Variants in RALYL observed in about 807,000 individuals in gnomAD.
The protein encoded by RALYL is RALY RNA binding protein like.
In RALYL, 29 loss-of-function variants were observed where a neutral mutation model predicts 35.1. The ratio of observed to expected loss-of-function variants is 0.83; its 90% CI spans 0.61 to 1.13. The LOEUF is 1.13. RALYL is among the 50% of genes most tolerant of loss of function. The probability of loss-of-function intolerance (pLI) is 0.00; values close to 1 mark genes in which losing one functional copy is unlikely to be tolerated. For missense variants in RALYL, 359 were observed against 360.4 expected (o/e 1.00, Z 0.03); for synonymous variants, 120 against 127.6 (o/e 0.94, Z 0.40).
chr8:84,377,459 T>TTTTTTTTGTTTGTTTGTTTG (rs1857143077), intron 1 of RALYL, among the ~76,000 whole-genome samples: 1 of 139,932 alleles, frequency 7.1e-6, no homozygotes, highest in African/African-American at 3.0e-5. Flanking sequence ...CTGTTTTTTT[T>TTTTTTTTGTTTGTTTGTTTG]TTTTTTTTTT....
chr8:84,583,886 C>A (rs188938303), intron 2 of RALYL, among the ~76,000 whole-genome samples: 2 of 152,118 alleles, frequency 1.3e-5, no homozygotes, highest in East Asian at 1.9e-4. Flanking sequence ...CAGTTTAGAA[C>A]CTGAATATAG....
chr8:84,394,321 TTAAC>T (rs1375282210), intron 1 of RALYL, among the ~76,000 whole-genome samples: 2 of 152,128 alleles, frequency 1.3e-5, no homozygotes, highest in Admixed American at 1.3e-4. Context: ...TAAGTAGTTT[TTAAC>T]TAGTACAATG....
intron 2 of RALYL, among the ~76,000 whole-genome samples, chr8:84,564,488 T>C (rs973921769): frequency 6.6e-6 from 1 of 151,742 alleles, no homozygotes; most frequent in African/African-American, 2.4e-5. Flanking sequence ...TCAATCCATA[T>C]GATAGCCATT....
intron 1 of RALYL, among the ~76,000 whole-genome samples, chr8:84,526,048 T>G (rs900049668): frequency 1.4e-5 from 2 of 147,472 alleles, no homozygotes; most frequent in Non-Finnish European, 3.0e-5. Context: ...GACTCCCAAC[T>G]TCAAGCAATT....
chr8:84,487,055 T>C (rs1263721127), intron 1 of RALYL, among the ~76,000 whole-genome samples: 1 of 152,080 alleles, frequency 6.6e-6, no homozygotes, highest in Non-Finnish European at 1.5e-5. Flanking sequence ...GTTTAAAGAA[T>C]CTCAGAACTT....
intron 2 of RALYL, among the ~76,000 whole-genome samples, chr8:84,575,895 G>A (rs1809281582): frequency 6.6e-6 from 1 of 151,652 alleles, no homozygotes; most frequent in African/African-American, 2.4e-5. Flanking sequence ...AGGAAGCTGT[G>A]GTGGGAGGAT....
At chr8:84,384,611 GA>G (rs1191244169) in intron 1 of RALYL, among the ~76,000 whole-genome samples, 4 of 151,630 alleles carry the variant, frequency 2.6e-5, no homozygotes, top group Non-Finnish European at 5.9e-5. Context: ...TGGGTGCAAT[GA>G]AATTTTCATT....
chr8:84,788,490 C>T (rs571172519), intron 3 of RALYL, among the ~76,000 whole-genome samples: 1 of 152,224 alleles, frequency 6.6e-6, no homozygotes, highest in East Asian at 1.9e-4. Context: ...AAATGACAAA[C>T]ACCATACAAA....
intron 1 of RALYL, among the ~76,000 whole-genome samples, chr8:84,390,433 G>C (rs954931694): frequency 1.3e-5 from 2 of 152,150 alleles, no homozygotes; most frequent in African/African-American, 2.4e-5. Flanking sequence ...ATTCCTCCTT[G>C]TACCTCTGGT....
intron 1 of RALYL, among the ~76,000 whole-genome samples, chr8:84,521,187 A>T (rs1445448511): frequency 6.6e-6 from 1 of 152,168 alleles, no homozygotes; most frequent in Non-Finnish European, 1.5e-5. Context: ...CCCTTATAAG[A>T]AGTGGAAGAG....
chr8:84,492,292 C>G lies in RALYL; in HGVS notation c.-23-37007C>G, dbSNP rs1417586886. Among the ~76,000 whole-genome samples, 3 of 152,120 alleles carry G rather than the reference C, an allele frequency of 2.0e-5. No individual in the cohort carries two copies. The East Asian group carries it at 5.8e-4, about 29-fold the overall frequency. ...ACCAATCCCTACATTTAGAAGAAAC[C>G]ACTCTTAAGAAACCTAATTTATGCA... On this transcript the variant is annotated intron_variant, in intron 1 of 8. Transcript: ENST00000521268.
intron 4 of RALYL, among the ~76,000 whole-genome samples, chr8:84,848,814 A>C (rs1239889060): frequency 6.6e-6 from 1 of 152,234 alleles, no homozygotes; most frequent in Admixed American, 6.5e-5. Flanking sequence ...GTTTTGCCAC[A>C]ATAAAAAGAA....
At chr8:84,903,403 T>G (rs1338043782) in intron 8 of RALYL, among the ~76,000 whole-genome samples, 2 of 152,162 alleles carry the variant, frequency 1.3e-5, no homozygotes, top group African/African-American at 4.8e-5. Context: ...TATTTTGGTC[T>G]TTTGAATCCC....
chr8:84,581,631 T>C (rs762812114), intron 2 of RALYL, among the ~76,000 whole-genome samples: 37 of 152,230 alleles, frequency 2.4e-4, no homozygotes, highest in Non-Finnish European at 4.6e-4. Context: ...CCATGACTTG[T>C]CATGTGTTTT....
intron 1 of RALYL, among the ~76,000 whole-genome samples, chr8:84,383,652 GTAGA>G (rs1331240663): frequency 6.6e-6 from 1 of 151,462 alleles, no homozygotes; most frequent in Non-Finnish European, 1.5e-5. Context: ...GAGGTTGAAG[GTAGA>G]TTGAAAAGTA....
chr8:84,199,244 T>C (rs899543964), intron 1 of RALYL, among the ~76,000 whole-genome samples: 3 of 152,186 alleles, frequency 2.0e-5, no homozygotes, highest in African/African-American at 7.2e-5. Context: ...CTCTGTGCAT[T>C]ACTCTGATGA....
chr8:84,575,257 AAAACAT>A (rs1273902866), intron 2 of RALYL, among the ~76,000 whole-genome samples: 4 of 152,204 alleles, frequency 2.6e-5, no homozygotes, highest in African/African-American at 7.2e-5. Flanking sequence ...ACATAAACAT[AAAACAT>A]AAACATAAAC....
Position 84,276,851 on chromosome 8 carries a change from G to A in RALYL, c.-24+92427G>A, listed in dbSNP as rs117946883. Among the ~76,000 whole-genome samples, 399 of 152,272 alleles carry A rather than the reference G, an allele frequency of 2.6e-3. 1 individual carries two copies. The highest frequency in any genetic ancestry group is 0.01 in the Middle Eastern group (3 of 294). ...ATATTTGTTAATCTAGAAAAGTTTAGACTTTTCAATGAAACATTTACAATG... is the reference window on the plus strand; with the variant it reads ...ATATTTGTTAATCTAGAAAAGTTTAAACTTTTCAATGAAACATTTACAATG... On this transcript the variant is annotated intron_variant, in intron 1 of 8. Transcript: ENST00000521268.
chr8:84,911,673 T>C (rs1847535964), intron 8 of RALYL, among the ~76,000 whole-genome samples: 1 of 152,052 alleles, frequency 6.6e-6, no homozygotes, highest in Admixed American at 6.6e-5. Flanking sequence ...AGACCACCCT[T>C]CCCACTCCCC....
Sources: gnomAD v4.1 joint callset for allele counts (sites outside exome capture counted in the v4.1 genomes callset) on GRCh38, gnomAD v4.1.1 for gene constraint, MANE v1.5 for transcripts, NCBI Gene and HGNC (gene_info 2026-07-23, HGNC 2026-07-21) for gene names.